NCF2: variants seen among roughly 807,000 people sequenced by gnomAD.
NCF2 encodes neutrophil cytosol factor 2.
In NCF2, 45 loss-of-function variants were observed where a neutral mutation model predicts 70.9. The observed-to-expected ratio is 0.63, with a 90% CI of 0.50 to 0.81. The LOEUF (loss-of-function observed/expected upper bound fraction) is 0.81. NCF2 is among the 40% of genes least tolerant of loss of function. NCF2 has a pLI of 0.00. For missense variants in NCF2, 522 were observed against 631.6 expected, an observed-to-expected ratio of 0.83 and a Z score of 1.86; for synonymous variants, 203 against 233.6, an observed-to-expected ratio of 0.87 and a Z score of 1.19.
chr1:183,586,721 CAGTG>C (rs1384259769), intron 2 of NCF2, among the ~76,000 whole-genome samples, 170 bp downstream of exon 2: 2 of 152,162 alleles, frequency 1.3e-5, no homozygotes, highest in Non-Finnish European at 2.9e-5. Flanking sequence ...CTTGCCTCCC[CAGTG>C]AGAGCTTCTG....
chr1:183,601,200 C>A, the NCF2 span, among the ~76,000 whole-genome samples: 1 of 152,156 alleles, frequency 6.6e-6, no homozygotes, highest in African/African-American at 2.4e-5. Flanking sequence ...TCCTCTTCTA[C>A]GCACATATCA....
At chr1:183,563,660 C>G in intron 11 of NCF2, 75 bp from the exon 12 acceptor site, 2 of 1,585,002 alleles carry the variant, frequency 1.3e-6, no homozygotes, top group South Asian at 1.1e-5. Context: ...ACCGCAGTTT[C>G]GTGATTTGGC....
At position 183,555,596 on chromosome 1, in the gene NCF2, G is replaced by C. The variant is rs943097992; in HGVS notation, c.*522C>G. On this transcript the variant is annotated 3_prime_UTR_variant, in exon 15 of 15. Transcript: ENST00000367535. ...AAAACAAACAAGTTTATTTGTATAT[G>C]CCTTATGAGTAACCTATAAGGTTAC... The C allele has an allele frequency of 1.3e-5, 2 of 159,434 alleles. No homozygotes were observed. The highest frequency in any genetic ancestry group is 2.8e-5 in the Non-Finnish European group (2 of 71,850). The allele number at this position is 159,434 out of a possible 1,614,324, so 9.9% of individuals were successfully genotyped here. A position where few individuals can be genotyped will look rare whatever the true frequency, so the allele number is the denominator to read the frequency against.
At chr1:183,560,398 G>C in intron 13 of NCF2, 125 bp from the exon 14 acceptor site, 1 of 1,101,906 alleles carries the variant, frequency 9.1e-7, no homozygotes, top group Non-Finnish European at 1.4e-6. Flanking sequence ...TTTGTGATCA[G>C]TGCCTTGTGT....
At position 183,555,992 on chromosome 1, in the gene NCF2, CAG is replaced by C. The variant is rs1671752678; in HGVS notation, c.*124_*125del. ...CATTGTCTAGTAGGTTAAATTTTAACAGGGAATAAATAGTTAACACTTCCAAA... is the reference window on the plus strand; with the variant it reads ...CATTGTCTAGTAGGTTAAATTTTAACGGAATAAATAGTTAACACTTCCAAA... On this transcript the variant is annotated 3_prime_UTR_variant, in exon 15 of 15. Coordinates refer to ENST00000367535, the MANE Select transcript of NCF2 (RefSeq NM_000433.4). The C allele has an allele frequency of 3.6e-6, 3 of 832,720 alleles. No homozygotes were observed. The highest frequency in any genetic ancestry group is 2.0e-5 in the Admixed American group (1 of 49,012). 51.6% of individuals were successfully genotyped at this position (832,720 alleles called of 1,614,324 possible).
chr1:183,590,706 G>A (rs12091406), upstream of NCF2: 26,715 of 291,682 alleles, frequency 0.092, 1,445 homozygotes, highest in Admixed American at 0.16. Context: ...CCCCTGTTCT[G>A]TGGCAGCTTC....
chr1:183,577,084 C>T (rs1164396040), intron 3 of NCF2, among the ~76,000 whole-genome samples: 1 of 152,188 alleles, frequency 6.6e-6, no homozygotes, highest in African/African-American at 2.4e-5. Context: ...CCAAATTATC[C>T]TCAGTCTCTC....
intron 14 of NCF2, among the ~76,000 whole-genome samples, chr1:183,557,679 C>A (rs1202023988): frequency 6.6e-6 from 1 of 152,152 alleles, no homozygotes; most frequent in African/African-American, 2.4e-5. Flanking sequence ...ATACTGGCTT[C>A]TCTCCATATC....
In NCF2 at chr1:183,590,396, T is replaced by C; in HGVS notation, c.-67A>G. On this transcript the variant is annotated 5_prime_UTR_variant, in exon 1 of 15. Coordinates refer to ENST00000367535, the MANE Select transcript of NCF2 (RefSeq NM_000433.4). ...CAGAGAGAAGACAGGTTGGAGCGTC[T>C]CCCCTAGCAGGGCTGCCTTAGTGGC... 6.3e-7 allele frequency: 1 copy of C among 1,591,632 alleles called. No individual in the cohort carries two copies. The highest frequency in any genetic ancestry group is 8.6e-7 in the Non-Finnish European group (1 of 1,162,214).
At chr1:183,589,139 C>T (rs997047557) in intron 1 of NCF2, among the ~76,000 whole-genome samples, 5 of 152,192 alleles carry the variant, frequency 3.3e-5, no homozygotes, top group African/African-American at 1.2e-4. Flanking sequence ...CTCTGTCTTC[C>T]TGTCAGGAGG....
chr1:183,587,307 A>G (rs1195856495), intron 1 of NCF2, among the ~76,000 whole-genome samples: 1 of 152,184 alleles, frequency 6.6e-6, no homozygotes, highest in African/African-American at 2.4e-5. Context: ...CAAGAATCCA[A>G]TAATTCCCAG....
At chr1:183,567,855 G>A (rs1162656956) in intron 7 of NCF2, among the ~76,000 whole-genome samples, 4 of 152,070 alleles carry the variant, frequency 2.6e-5, no homozygotes, top group Admixed American at 1.3e-4. Context: ...GAGCGTGAGG[G>A]ATGCACATAG....
chr1:183,568,799 A>G (rs699243), intron 7 of NCF2, among the ~76,000 whole-genome samples: 138,076 of 151,732 alleles, frequency 0.91, 63,000 homozygotes, highest in East Asian at 1. Context: ...TGTTCCACAG[A>G]ACACCACTGC....
intron 10 of NCF2, 93 bp downstream of exon 10, chr1:183,565,611 C>G: frequency 7.6e-7 from 1 of 1,313,588 alleles, no homozygotes; most frequent in South Asian, 1.2e-5. Context: ...GAAGAAGAAA[C>G]CAGAATTTCC....
At chr1:183,586,054 G>A (rs1673333781) in intron 2 of NCF2, among the ~76,000 whole-genome samples, 2 of 152,202 alleles carry the variant, frequency 1.3e-5, no homozygotes, top group African/African-American at 4.8e-5. Context: ...TTAACATCTG[G>A]CTGGGCGTGG....
chr1:183,558,897 TTGTC>T (rs550280245), intron 14 of NCF2, among the ~76,000 whole-genome samples: 249 of 152,200 alleles, frequency 1.6e-3, no homozygotes, highest in Admixed American at 3.3e-3. Context: ...CCCCCTCTCT[TTGTC>T]TGTTGGATTT....
intron 2 of NCF2, among the ~76,000 whole-genome samples, chr1:183,578,557 G>C (rs996346901): frequency 1.3e-5 from 2 of 152,116 alleles, no homozygotes; most frequent in Non-Finnish European, 2.9e-5. Context: ...GTAGAGACCA[G>C]GTTTCACCAT....
rs16861163 is a variant in NCF2, at chr1:183,564,082, C to T, written c.1001-52G>A. The T allele has an allele frequency of 9.9e-4, 1,539 of 1,553,128 alleles. 7 individuals are homozygous for T. The African/African-American group carries it at 0.019, about 19-fold the overall frequency. ...CAAAAGAAGATGGTGAATGAACATC[C>T]TTGGCCAGCCCCTGCCACACACAGA... On this transcript the variant is annotated intron_variant, in intron 10 of 14. Transcript: ENST00000367535.
At chr1:183,599,423 C>CTTCTTTCTTTCTTTCTCTTTCT in the NCF2 span, among the ~76,000 whole-genome samples, 6 of 107,426 alleles carry the variant, frequency 5.6e-5, no homozygotes, top group African/African-American at 2.3e-4. Context: ...TCTTTCTTTC[C>CTTCTTTCTTTCTTTCTCTTTCT]TTCTTTCTTT....
Sources: allele counts gnomAD v4.1 joint callset (sites outside exome capture counted in the v4.1 genomes callset), GRCh38; gene constraint gnomAD v4.1.1; transcripts MANE v1.5; gene names NCBI Gene and HGNC (gene_info 2026-07-23, HGNC 2026-07-21).